Variants in PAK2 observed in about 807,000 individuals in gnomAD.
The protein encoded by PAK2 is p21 (RAC1) activated kinase 2.
PAK2 carries 21 observed loss-of-function variants against 65.9 expected under a neutral mutation model. The observed-to-expected ratio is 0.32, with a 90% CI of 0.23 to 0.46. PAK2 has a LOEUF of 0.46. Among genes scored for constraint, PAK2 ranks in the 20% least tolerant of loss-of-function variants. PAK2 has a pLI of 1.00. For missense variants in PAK2, 324 were observed against 642.6 expected (o/e 0.50, Z 5.36); for synonymous variants, 204 against 219.7 (o/e 0.93, Z 0.63).
intron 13 of PAK2, among the ~76,000 whole-genome samples, chr3:196,825,415 G>A (rs184218687): frequency 7.9e-5 from 12 of 151,796 alleles, no homozygotes; most frequent in South Asian, 2.1e-4. Context: ...AGGCCAAGGC[G>A]GGCAGATCAC....
intron 8 of PAK2, 149 bp from the exon 9 acceptor site, chr3:196,812,070 C>T: frequency 3.9e-6 from 2 of 513,442 alleles, no homozygotes; most frequent in East Asian, 3.2e-5. Context: ...ACCCCCTTTC[C>T]TCAGGTTTTT....
chr3:196,782,552 G>T (rs1480879408), intron 1 of PAK2, 74 bp from the exon 2 acceptor site: 1 of 664,472 alleles, frequency 1.5e-6, no homozygotes, highest in Non-Finnish European at 2.6e-6. Context: ...TTGTGGCAGG[G>T]GTAGTTATTA....
At chr3:196,755,659 C>T (rs1284770558) in intron 1 of PAK2, among the ~76,000 whole-genome samples, 2 of 151,946 alleles carry the variant, frequency 1.3e-5, no homozygotes, top group Admixed American at 6.6e-5. Flanking sequence ...GGTTTCTCCA[C>T]GTTGGTCAGG....
At chr3:196,817,774 A>T (rs1391161916) in intron 11 of PAK2, among the ~76,000 whole-genome samples, 1 of 152,182 alleles carries the variant, frequency 6.6e-6, no homozygotes, top group Non-Finnish European at 1.5e-5. Flanking sequence ...GCAAGACATT[A>T]TACAGACCCA....
intron 1 of PAK2, among the ~76,000 whole-genome samples, chr3:196,748,569 G>C (rs1203429335): frequency 6.6e-6 from 1 of 150,542 alleles, no homozygotes; most frequent in Non-Finnish European, 1.5e-5. Flanking sequence ...CCCGTAGTTG[G>C]AATTATATAG....
At chr3:196,780,296 A>T (rs1052872607) in intron 1 of PAK2, among the ~76,000 whole-genome samples, 7 of 152,220 alleles carry the variant, frequency 4.6e-5, no homozygotes, top group Non-Finnish European at 8.8e-5. Flanking sequence ...CTGCTGATAA[A>T]GACAAACCTG....
chr3:196,825,368 A>G (rs1380102658), intron 13 of PAK2, among the ~76,000 whole-genome samples: 4 of 150,818 alleles, frequency 2.7e-5, no homozygotes, highest in Admixed American at 6.6e-5. Context: ...AATAGGCCAG[A>G]TGCAGTGGCT....
intron 11 of PAK2, among the ~76,000 whole-genome samples, chr3:196,815,578 A>G (rs527861278): frequency 2.0e-4 from 31 of 151,896 alleles, no homozygotes; most frequent in African/African-American, 4.6e-4. Flanking sequence ...CATGAGGTCA[A>G]GAGATTGAGA....
rs563667823 is a variant in PAK2, at chr3:196,803,554, G to A, written c.436+390G>A. ...AACACATTTATTGTTAGCGGGACAA[G>A]AGGAGGTTGAACTAAAAAATGTTTA... On this transcript the variant is annotated intron_variant, in intron 4 of 14. Transcript: ENST00000327134. Among the ~76,000 whole-genome samples, 4 of 152,302 alleles carry A rather than the reference G, an allele frequency of 2.6e-5. No individual in the cohort carries two copies. The East Asian group carries it at 7.7e-4, about 29-fold the overall frequency.
intron 1 of PAK2, among the ~76,000 whole-genome samples, chr3:196,774,625 C>G (rs1714477270): frequency 6.6e-6 from 1 of 152,168 alleles, no homozygotes. Flanking sequence ...ATAGGATTGA[C>G]ATGGTGCAGT....
chr3:196,812,673 T>C, intron 9 of PAK2, 66 bp from the exon 10 acceptor site: 1 of 743,320 alleles, frequency 1.3e-6, no homozygotes, highest in Non-Finnish European at 2.4e-6. Flanking sequence ...TATCAACTGC[T>C]TGGGGTTTGT....
At chr3:196,821,157 A>C (rs1711636601) in intron 13 of PAK2, among the ~76,000 whole-genome samples, 1 of 151,950 alleles carries the variant, frequency 6.6e-6, no homozygotes, top group African/African-American at 2.4e-5. Flanking sequence ...CTTTTTTTTA[A>C]ATTACCATAT....
chr3:196,818,207 T>C, intron 12 of PAK2, 51 bp downstream of exon 12: 1 of 767,542 alleles, frequency 1.3e-6, no homozygotes, highest in Non-Finnish European at 2.3e-6. Flanking sequence ...TTTCTGCCTT[T>C]TGTTTAATTA....
chr3:196,803,826 T>A (rs1225462917), intron 4 of PAK2, among the ~76,000 whole-genome samples: 1 of 152,214 alleles, frequency 6.6e-6, no homozygotes, highest in African/African-American at 2.4e-5. Flanking sequence ...GTATCTGAGA[T>A]ATACCGTTAA....
intron 1 of PAK2, among the ~76,000 whole-genome samples, chr3:196,768,459 C>T (rs968264083): frequency 6.6e-6 from 1 of 151,630 alleles, no homozygotes; most frequent in Non-Finnish European, 1.5e-5. Context: ...ATGCTTAACT[C>T]GTTAATTTTT....
intron 2 of PAK2, among the ~76,000 whole-genome samples, chr3:196,793,792 A>G (rs768045835): frequency 6.6e-6 from 1 of 152,210 alleles, no homozygotes; most frequent in Non-Finnish European, 1.5e-5. Flanking sequence ...AAAATTACCA[A>G]AACAAACAAA....
intron 13 of PAK2, among the ~76,000 whole-genome samples, chr3:196,825,504 ATTT>A (rs1711827411): frequency 6.7e-6 from 1 of 149,558 alleles, no homozygotes; most frequent in Admixed American, 6.6e-5. Flanking sequence ...TTAGCCGGGC[ATTT>A]TGGCGGGCGC....
intron 1 of PAK2, among the ~76,000 whole-genome samples, chr3:196,741,362 A>G (rs1713185913): frequency 6.6e-6 from 1 of 152,238 alleles, no homozygotes; most frequent in Admixed American, 6.5e-5. Context: ...AAAGCAGGTT[A>G]AAACTTGTCA....
chr3:196,825,382 A>T (rs536640257), intron 13 of PAK2, among the ~76,000 whole-genome samples: 4 of 136,612 alleles, frequency 2.9e-5, no homozygotes, highest in African/African-American at 1.1e-4. Context: ...AGTGGCTCAC[A>T]CCTGTAATCC....
Sources: gnomAD v4.1 joint callset for allele counts (sites outside exome capture counted in the v4.1 genomes callset) on GRCh38, gnomAD v4.1.1 for gene constraint, MANE v1.5 for transcripts, NCBI Gene and HGNC (gene_info 2026-07-23, HGNC 2026-07-21) for gene names.